The following PSMD8 variants were observed in gnomAD, a reference collection of about 807,000 sequenced individuals.
PSMD8 encodes proteasome 26S subunit, non-ATPase 8, also known as 26S proteasome non-ATPase regulatory subunit 8.
A neutral mutation model predicts 40.0 loss-of-function variants in PSMD8; 30 were observed. The ratio of observed to expected loss-of-function variants is 0.75; its 90% CI spans 0.56 to 1.02. The LOEUF is 1.02. Ranked by LOEUF, PSMD8 falls within the 50% of genes least tolerant of loss-of-function variation. The pLI, the probability that PSMD8 is intolerant of heterozygous loss-of-function variation, is 0.00. For synonymous variants in PSMD8, 208 were observed against 192.5 expected (o/e 1.08, Z -0.67); for missense variants, 461 against 463.9 (o/e 0.99, Z 0.06).
At chr19:38,375,983 G>A (rs1458928714) in intron 1 of PSMD8, among the ~76,000 whole-genome samples, 177 bp from the exon 2 acceptor site, 1 of 152,182 alleles carries the variant, frequency 6.6e-6, no homozygotes, top group Non-Finnish European at 1.5e-5. Context: ...AATCTTAAAT[G>A]GGCATGTGTT....
chr19:38,382,740 C>G (rs1209210640), intron 6 of PSMD8: 1 of 186,356 alleles, frequency 5.4e-6, no homozygotes, highest in Non-Finnish European at 1.1e-5. Context: ...AACCTCATCT[C>G]TACTAAAAAA....
Position 38,374,768 on chromosome 19 carries a change from G to C in PSMD8, c.167G>C (p.Gly56Ala). ...VCRRRCRKSG[G>A]LLAASRKMAA... ...AGGCGGCGCTGCCGTAAATCAGGCG[G>C]TCTGCTTGCCGCATCACGCAAGATG... The change falls in exon 1 of 7, where the codon GGT (glycine) becomes GCT (alanine). Residue 56 changes from glycine to alanine, a missense_variant. Physicochemically the swap from Gly to Ala is moderately conservative, Grantham distance 60 (BLOSUM62 0). This residue lies in a region of PSMD8 where 225 missense variants were observed against 142.7 expected (regional missense o/e 1.58). Transcript: ENST00000215071. 6.4e-7 allele frequency: 1 copy of C among 1,566,400 alleles called. No individual in the cohort carries two copies. Among genetic ancestry groups the C allele is most frequent in the Non-Finnish European group, 8.6e-7 (1 of 1,160,824 alleles).
intron 1 of PSMD8, 81 bp downstream of exon 1, chr19:38,375,042 GC>G: frequency 6.6e-7 from 1 of 1,509,474 alleles, no homozygotes. Context: ...CAAGTCCCGG[GC>G]CGCGGAAGCC....
intron 5 of PSMD8, 42 bp downstream of exon 5, chr19:38,381,041 T>C (rs1213029965): frequency 6.9e-7 from 1 of 1,442,874 alleles, no homozygotes; most frequent in African/African-American, 1.4e-5. Context: ...GGAAAGAACT[T>C]GGGCTTGAGT....
At chr19:38,380,684 G>A (rs1185425759) in intron 4 of PSMD8, among the ~76,000 whole-genome samples, 2 of 140,692 alleles carry the variant, frequency 1.4e-5, no homozygotes, top group Admixed American at 1.5e-4. Flanking sequence ...GGGAGGAAGA[G>A]GGGGTGAGAG....
At position 38,374,685 on chromosome 19, in the gene PSMD8, C is replaced by T; in HGVS notation, c.84C>T (p.Ala28=). Residue 28 remains alanine (A), a synonymous_variant, in exon 1 of 7, where the codon GCC becomes GCT. Coordinates refer to ENST00000215071, the MANE Select transcript of PSMD8 (RefSeq NM_002812.5). ...ATRGGLRQVV[A]PPRALGSTSR... Reference sequence around the variant, plus strand: ...GGGGCGGGCTGAGGCAGGTTGTAGCCCCGCCCCGGGCCTTGGGCTCCACCT... The same window carrying T: ...GGGGCGGGCTGAGGCAGGTTGTAGCTCCGCCCCGGGCCTTGGGCTCCACCT... 1 of 1,542,432 alleles carries T rather than the reference C, an allele frequency of 6.5e-7. No homozygotes were observed. Among genetic ancestry groups the T allele is most frequent in the Non-Finnish European group, 8.7e-7 (1 of 1,146,966 alleles).
rs778451006 is a variant in PSMD8 at position 38,374,781 on chromosome 19, A to C, written c.180A>C (p.Ala60=). Residue 60 remains alanine (A), a synonymous_variant, in exon 1 of 7, where the codon GCA becomes GCC. Transcript: ENST00000215071. ...GTAAATCAGGCGGTCTGCTTGCCGC[A>C]TCACGCAAGATGGCGGCCGCGGCGG... ...RCRKSGGLLA[A]SRKMAAAAVN... is the part of the protein sequence containing the mutation. 1.9e-6 allele frequency: 3 copies of C among 1,571,620 alleles called. No individual in the cohort carries two copies. In the African/African-American group the frequency reaches 4.0e-5, roughly 21 times the overall value.
Position 38,376,140 on chromosome 19 carries a change from C to T in PSMD8, c.361-20C>T, listed in dbSNP as rs1336900454. 1.1e-5 allele frequency: 17 copies of T among 1,573,464 alleles called. No homozygotes were observed. The highest frequency in any genetic ancestry group is 1.3e-5 in the Non-Finnish European group (15 of 1,148,122). On this transcript the variant is annotated intron_variant, in intron 1 of 6. Coordinates refer to ENST00000215071, the MANE Select transcript of PSMD8 (RefSeq NM_002812.5). ...TGAATTCCCTTCTTTTCTTTCTTCC[C>T]TCCCTCCCCTCCCCATCAGCTAGTT...
chr19:38,374,944 G>A lies in PSMD8; in HGVS notation c.343G>A (p.Glu115Lys). ...KSPNLSKCGE[E>K]LGRLKLVLLE... The stretch of plus-strand genomic sequence containing the variant: ...CCCCAATCTTAGCAAGTGCGGGGAA[G>A]AGCTGGGTCGACTCAAGGTAAAGTC... Residue 115 changes from glutamate to lysine, a missense_variant, in exon 1 of 7, where the codon GAG (glutamate) becomes AAG (lysine). Transcript: ENST00000215071. The A allele has an allele frequency of 6.4e-7, 1 of 1,568,788 alleles. No homozygotes were observed. Among genetic ancestry groups the A allele is most frequent in the South Asian group, 1.2e-5 (1 of 86,782 alleles).
At position 38,383,239 on chromosome 19, in the gene PSMD8, C is replaced by G. The variant is rs1970658063; in HGVS notation, c.916-14C>G. ...TGATCACTCTACTCGTCTCTAATCC[C>G]TCCTTTCCTGCAGCGAGGGTGGGTC... On this transcript the variant is annotated splice_polypyrimidine_tract_variant and intron_variant, in intron 6 of 6. Coordinates refer to ENST00000215071, the MANE Select transcript of PSMD8 (RefSeq NM_002812.5). 6.2e-6 allele frequency: 10 copies of G among 1,612,284 alleles called. No individual in the cohort carries two copies. The highest frequency in any genetic ancestry group is 2.1e-4 in the Middle Eastern group (1 of 4,708).
chr19:38,378,657 G>GA (rs201059049), intron 3 of PSMD8, among the ~76,000 whole-genome samples: 3,520 of 133,184 alleles, frequency 0.026, 52 homozygotes, highest in South Asian at 0.046. Context: ...TCTCGGAATT[G>GA]AAAAAAAAAA....
In PSMD8 at chr19:38,374,613, GGGCAGGGC is replaced by G; in HGVS notation, c.13_20del (p.Gly5SerfsTer41). 6.7e-7 allele frequency: 1 copy of G among 1,491,672 alleles called. No homozygotes were observed. The allele number at this position is 1,491,672 out of a possible 1,614,324, so 92.4% of individuals were successfully genotyped here. On this transcript the variant is annotated frameshift_variant, in exon 1 of 7. Transcript: ENST00000215071. LOFTEE classifies it high-confidence loss of function. ...GAGCTCCAACTGACATGTTCATTAA[GGGCAGGGC>G]TCCGAGGGCGCCACCTCGAGAGCGA...
Position 38,374,851 on chromosome 19 carries a change from T to C in PSMD8, c.250T>C (p.Ser84Pro), listed in dbSNP as rs1296444208. 2 of 1,581,156 alleles carry C rather than the reference T, an allele frequency of 1.3e-6. No homozygotes were observed. Among genetic ancestry groups the C allele is most frequent in the Non-Finnish European group, 1.7e-6 (2 of 1,171,752 alleles). Residue 84 changes from serine to proline, a missense_variant, in exon 1 of 7, where the codon TCG becomes CCG. Ser to Pro is a moderately conservative substitution (Grantham distance 74). Around this residue, in one of 2 missense-constraint regions of PSMD8, gnomAD observed 225 missense variants for 142.7 expected, o/e 1.58. Transcript: ENST00000215071. The stretch of plus-strand genomic sequence containing the variant: ...CTCGAGCTCCGGGCCCGCGGCAACC[T>C]CGGGCGCTGTTCTGCAGGCCGCGAC... ...GFSSSGPAAT[S>P]GAVLQAATGM...
intron 6 of PSMD8, 87 bp from the exon 7 acceptor site, chr19:38,383,166 G>GGACA: frequency 6.5e-7 from 1 of 1,542,074 alleles, no homozygotes; most frequent in East Asian, 2.3e-5. Flanking sequence ...AGAGAGCATA[G>GGACA]GACACGTGGG....
At chr19:38,380,723 T>TGTGTGCGCGCGCGTGCACGC in intron 4 of PSMD8, among the ~76,000 whole-genome samples, 176 bp from the exon 5 acceptor site, 1 of 144,006 alleles carries the variant, frequency 6.9e-6, no homozygotes, top group African/African-American at 2.5e-5. Context: ...TGTGTGTGTG[T>TGTGTGCGCGCGCGTGCACGC]GTGTGTGCGC....
intron 3 of PSMD8, among the ~76,000 whole-genome samples, chr19:38,378,677 G>A (rs2145127525): frequency 6.6e-6 from 1 of 151,540 alleles, no homozygotes; most frequent in Admixed American, 6.6e-5. Flanking sequence ...AAAAGGGCTG[G>A]GCGCAGTGGC....
At chr19:38,380,689 T>TGAGAGAGAGAGAGA (rs374592990) in intron 4 of PSMD8, among the ~76,000 whole-genome samples, 177 of 101,584 alleles carry the variant, frequency 1.7e-3, no homozygotes, top group African/African-American at 6.1e-3. Context: ...GAAGAGGGGG[T>TGAGAGAGAGAGAGA]GAGAGAGAGA....
At chr19:38,382,914 G>GAA (rs113895207) in intron 6 of PSMD8, 512 of 182,016 alleles carry the variant, frequency 2.8e-3, no homozygotes, top group South Asian at 6.5e-3. Flanking sequence ...TCTGTCTGGG[G>GAA]AAAAAAAAAA....
At chr19:38,376,899 C>T (rs1009446181) in intron 3 of PSMD8, among the ~76,000 whole-genome samples, 22 of 152,238 alleles carry the variant, frequency 1.4e-4, no homozygotes, top group African/African-American at 4.6e-4. Flanking sequence ...GCCTGCTCAT[C>T]CCAGCCCTTT....
Sources: gnomAD v4.1 joint callset for allele counts (sites outside exome capture counted in the v4.1 genomes callset) on GRCh38, gnomAD v4.1.1 for gene constraint, gnomAD v4.1.1 regional missense constraint, MANE v1.5 for transcripts, NCBI Gene and HGNC (gene_info 2026-07-23, HGNC 2026-07-21) for gene names.